PET117: variants seen among roughly 807,000 people sequenced by gnomAD.
PET117 encodes protein PET117 homolog, mitochondrial.
In PET117, 10 loss-of-function variants were observed where a neutral mutation model predicts 9.2. That is an observed-to-expected ratio of 1.09 (90% CI 0.67 to 1.85). The LOEUF is 1.85. Among genes scored for constraint, PET117 ranks in the 40% most tolerant of loss-of-function variants. The pLI is 0.00. For synonymous variants in PET117, 43 were observed against 37.1 expected, an observed-to-expected ratio of 1.16 and a Z score of -0.57; for missense variants, 96 against 98.2, an observed-to-expected ratio of 0.98 and a Z score of 0.09.
intron 1 of PET117, chr20:18,138,373 G>C (rs1036531041): frequency 2.8e-6 from 3 of 1,064,798 alleles, no homozygotes; most frequent in East Asian, 6.3e-5. Context: ...CAGTGGCTCT[G>C]TTTTCAAGTC....
rs1023124207 is a variant in PET117, at chr20:18,138,422, C to T, written c.96+371C>T. On this transcript the variant is annotated intron_variant, in intron 1 of 1. Transcript: ENST00000432901. ...AGGGTGCGGACCTTTCCACATCTCA[C>T]TTGGGCCGCTAGAAAATAGAAGGTG... The T allele has an allele frequency of 1.2e-5, 12 of 1,010,572 alleles. No homozygotes were observed. In the African/African-American group the frequency reaches 1.4e-4, roughly 12 times the overall value. The allele number at this position is 1,010,572 out of a possible 1,614,324, so 62.6% of individuals were successfully genotyped here. A position where few individuals can be genotyped will look rare whatever the true frequency, so the allele number is the denominator to read the frequency against.
intron 1 of PET117, among the ~76,000 whole-genome samples, chr20:18,141,192 T>G (rs2037561337): frequency 6.6e-6 from 1 of 151,860 alleles, no homozygotes; most frequent in East Asian, 1.9e-4. Context: ...GCCTAAAACC[T>G]TTAGAGTATT....
intron 1 of PET117, among the ~76,000 whole-genome samples, chr20:18,141,046 T>TA (rs2037547361): frequency 2.4e-5 from 1 of 41,608 alleles, no homozygotes; most frequent in Non-Finnish European, 5.5e-5. Flanking sequence ...TTTTTTTTTT[T>TA]ATTTTTATTT....
At chr20:18,138,245 C>A (rs2037375167) in intron 1 of PET117, 194 bp downstream of exon 1, 7 of 1,239,288 alleles carry the variant, frequency 5.6e-6, no homozygotes, top group African/African-American at 1.6e-5. Context: ...CAGCTCCCGG[C>A]GGGCGTGTGC....
At chr20:18,138,080 G>GCC (rs1267288942) in intron 1 of PET117, 29 bp downstream of exon 1, 1 of 1,443,714 alleles carries the variant, frequency 6.9e-7, no homozygotes, top group Non-Finnish European at 9.1e-7. Flanking sequence ...TCTCTTCCGG[G>GCC]CCCGCGCGCG....
At chr20:18,141,201 T>C (rs1467414090) in intron 1 of PET117, among the ~76,000 whole-genome samples, 1 of 151,770 alleles carries the variant, frequency 6.6e-6, no homozygotes, top group African/African-American at 2.4e-5. Flanking sequence ...CTTTAGAGTA[T>C]TTTGTGAGCA....
At chr20:18,138,695 AT>A (rs552486516) in intron 1 of PET117, among the ~76,000 whole-genome samples, 40 of 148,212 alleles carry the variant, frequency 2.7e-4, no homozygotes, top group South Asian at 4.3e-4. Flanking sequence ...CAGTCTCCAG[AT>A]TTTTTTTTTT....
chr20:18,143,145 T>C lies in PET117; in HGVS notation c.*788T>C. On this transcript the variant is annotated 3_prime_UTR_variant, in exon 2 of 2. Coordinates refer to ENST00000432901, the MANE Select transcript of PET117 (RefSeq NM_001164811.2). Reference sequence around the variant, plus strand: ...TTAAATTAACACTTTTGGTGGTAACTCAATAAAATTGAGAAAATTGGAAAT... The same window carrying C: ...TTAAATTAACACTTTTGGTGGTAACCCAATAAAATTGAGAAAATTGGAAAT... 1 of 1,257,278 alleles carries C rather than the reference T, an allele frequency of 8.0e-7. No individual in the cohort carries two copies. The highest frequency in any genetic ancestry group is 1.0e-6 in the Non-Finnish European group (1 of 997,008). The allele number at this position is 1,257,278 out of a possible 1,614,324, so 77.9% of individuals were successfully genotyped here. A position where few individuals can be genotyped will look rare whatever the true frequency, so the allele number is the denominator to read the frequency against.
Position 18,143,048 on chromosome 20 carries a change from T to C in PET117, c.*691T>C, listed in dbSNP as rs1284594359. 1.4e-6 allele frequency: 2 copies of C among 1,441,344 alleles called. No individual in the cohort carries two copies. The highest frequency in any genetic ancestry group is 5.0e-5 in the East Asian group (2 of 40,048). The allele number at this position is 1,441,344 out of a possible 1,614,324, so 89.3% of individuals were successfully genotyped here. ...ATAATTATATTTATTCTCTAGTTGA[T>C]CAGCTATAAATTTATATAAAACATA... On this transcript the variant is annotated 3_prime_UTR_variant, in exon 2 of 2. Coordinates refer to ENST00000432901, the MANE Select transcript of PET117 (RefSeq NM_001164811.2).
chr20:18,141,051 T>TTTTTTTTG (rs58888387), intron 1 of PET117, among the ~76,000 whole-genome samples: 7 of 109,702 alleles, frequency 6.4e-5, no homozygotes, highest in Non-Finnish European at 8.8e-5. Flanking sequence ...TTTTTTATTT[T>TTTTTTTTG]TATTTTTGCT....
Position 18,137,925 on chromosome 20 carries a change from G to GGAGA in PET117, c.-25_-22dup, listed in dbSNP as rs755566144. 2 of 1,474,080 alleles carry GGAGA rather than the reference G, an allele frequency of 1.4e-6. No homozygotes were observed. The allele number at this position is 1,474,080 out of a possible 1,614,324, so 91.3% of individuals were successfully genotyped here. ...GCGGCCTCTGCGCCTCGGGCGGGCG[G>GGAGA]GAGAGAGAGGCCGCGGCCGCCAGCG... is the stretch of plus-strand genomic sequence containing the variant. On this transcript the variant is annotated 5_prime_UTR_variant, in exon 1 of 2. Coordinates refer to ENST00000432901, the MANE Select transcript of PET117 (RefSeq NM_001164811.2).
chr20:18,139,847 T>C (rs1259198368), intron 1 of PET117, among the ~76,000 whole-genome samples: 15 of 152,122 alleles, frequency 9.9e-5, no homozygotes. Flanking sequence ...TACCAGGCAG[T>C]GTATTAAGCA....
intron 1 of PET117, among the ~76,000 whole-genome samples, chr20:18,141,625 C>G (rs1211898417): frequency 2.0e-5 from 3 of 152,218 alleles, no homozygotes; most frequent in Admixed American, 2.0e-4. Context: ...TGGCTCACGC[C>G]TGTAATCCGG....
Position 18,142,726 on chromosome 20 carries a change from G to A in PET117, c.*369G>A, listed in dbSNP as rs1269858879. On this transcript the variant is annotated 3_prime_UTR_variant, in exon 2 of 2. Coordinates refer to ENST00000432901, the MANE Select transcript of PET117 (RefSeq NM_001164811.2). ...ATGATGACGAAGCCACGAGAACATC[G>A]ACCTCAGAAGGACTGGAGGAAGGTG... 4 of 1,614,034 alleles carry A rather than the reference G, an allele frequency of 2.5e-6. No individual in the cohort carries two copies. The highest frequency in any genetic ancestry group is 2.7e-5 in the African/African-American group (2 of 74,898).
intron 1 of PET117, among the ~76,000 whole-genome samples, chr20:18,140,833 A>AAC (rs1309567953): frequency 1.3e-5 from 2 of 149,490 alleles, no homozygotes; most frequent in African/African-American, 4.9e-5. Context: ...AAAAAAAAAA[A>AAC]AAACCAATAA....
intron 1 of PET117, among the ~76,000 whole-genome samples, chr20:18,139,632 A>AGGTGTGTGTGTGTGTG (rs1203664163): frequency 7.0e-5 from 7 of 99,862 alleles, no homozygotes; most frequent in Non-Finnish European, 1.3e-4. Flanking sequence ...AACCAAAATA[A>AGGTGTGTGTGTGTGTG]CGTGTGTGTG....
In PET117 at chr20:18,142,351, A is replaced by C. The variant is rs1423736873; in HGVS notation, c.240A>C (p.Lys80Asn). The C allele has an allele frequency of 6.5e-7, 1 of 1,536,166 alleles. No homozygotes were observed. Among genetic ancestry groups the C allele is most frequent in the South Asian group, 1.2e-5 (1 of 83,954 alleles). The stretch of plus-strand genomic sequence containing the variant: ...TGTTATTGGCAAAAGGATCTCAAAA[A>C]TCATGACTTGAATGTGAAATATCTG... ...EKMLLAKGSQ[K>N]S is the part of the protein sequence containing the mutation. The change falls in exon 2 of 2, where the codon AAA (lysine) becomes AAC (asparagine). Residue 80 changes from lysine (K) to asparagine (N), a missense_variant. Transcript: ENST00000432901.
At chr20:18,139,786 A>G (rs2037458848) in intron 1 of PET117, among the ~76,000 whole-genome samples, 1 of 152,142 alleles carries the variant, frequency 6.6e-6, no homozygotes, top group Admixed American at 6.6e-5. Context: ...CGGAAGGTTC[A>G]AGGAAGCAAG....
chr20:18,141,051 T>TG lies in PET117; in HGVS notation c.97-1157_97-1156insG, dbSNP rs1555801419. 7.7e-4 allele frequency among the ~76,000 whole-genome samples: 84 copies of TG among 109,698 alleles called. 5 individuals carry two copies. The highest frequency in any genetic ancestry group is 5.3e-3 in the Middle Eastern group (1 of 190). 72.0% of individuals were successfully genotyped at this position (109,698 alleles called of 152,430 possible). A position where few individuals can be genotyped will look rare whatever the true frequency, so the allele number is the denominator to read the frequency against. On this transcript the variant is annotated intron_variant, in intron 1 of 1. Coordinates refer to ENST00000432901, the MANE Select transcript of PET117 (RefSeq NM_001164811.2). The stretch of plus-strand genomic sequence containing the variant: ...TTTTTTTTTTTTTTTTTTTTTATTT[T>TG]TATTTTTGCTAGAGATGGGATTTTG...
Sources: gnomAD v4.1 joint callset for allele counts (sites outside exome capture counted in the v4.1 genomes callset) on GRCh38, gnomAD v4.1.1 for gene constraint, MANE v1.5 for transcripts, NCBI Gene and HGNC (gene_info 2026-07-23, HGNC 2026-07-21) for gene names.